Variants in UVRAG observed in about 807,000 individuals in gnomAD.
UVRAG encodes the protein UV radiation resistance-associated gene protein.
Under a neutral mutation model 78.0 loss-of-function variants are expected in UVRAG, and 19 were observed. The ratio of observed to expected loss-of-function variants is 0.24; its 90% CI spans 0.17 to 0.36. The LOEUF (loss-of-function observed/expected upper bound fraction) is 0.36. UVRAG is among the 10% of genes least tolerant of loss of function. The pLI, the probability that UVRAG is intolerant of heterozygous loss-of-function variation, is 1.00. For missense variants in UVRAG, 740 were observed against 853.8 expected, an observed-to-expected ratio of 0.87 and a Z score of 1.66; for synonymous variants, 323 against 324.6, an observed-to-expected ratio of 1.00 and a Z score of 0.05.
At chr11:76,020,944 C>T (rs1242276272) in intron 12 of UVRAG, among the ~76,000 whole-genome samples, 8 of 152,102 alleles carry the variant, frequency 5.3e-5, no homozygotes, top group Non-Finnish European at 1.0e-4. Context: ...AATGCTGCCT[C>T]CATGGATGGG....
chr11:75,933,522 A>C (rs992657564), intron 6 of UVRAG, among the ~76,000 whole-genome samples: 1 of 152,100 alleles, frequency 6.6e-6, no homozygotes, highest in African/African-American at 2.4e-5. Flanking sequence ...ACATCAAATT[A>C]AGAAGCTTCT....
At chr11:75,978,848 G>A (rs1416562041) in intron 7 of UVRAG, among the ~76,000 whole-genome samples, 1 of 152,122 alleles carries the variant, frequency 6.6e-6, no homozygotes, top group African/African-American at 2.4e-5. Context: ...TGTTATTACC[G>A]ATCTTCTGAA....
At chr11:75,845,300 T>TACAGTGC (rs1565342314) in intron 1 of UVRAG, among the ~76,000 whole-genome samples, 2 of 152,232 alleles carry the variant, frequency 1.3e-5, no homozygotes, top group East Asian at 3.8e-4. Context: ...CACCTGAAGC[T>TACAGTGC]ACCACTGTAG....
intron 2 of UVRAG, among the ~76,000 whole-genome samples, chr11:75,852,236 A>G (rs570600708): frequency 6.6e-6 from 1 of 152,338 alleles, no homozygotes; most frequent in East Asian, 1.9e-4. Flanking sequence ...TATGAATGTT[A>G]GCTATTAATG....
chr11:75,880,348 C>G (rs1292790383), intron 4 of UVRAG, among the ~76,000 whole-genome samples: 1 of 152,170 alleles, frequency 6.6e-6, no homozygotes, highest in African/African-American at 2.4e-5. Context: ...CTTTTTCTGT[C>G]TTACTGGATG....
intron 13 of UVRAG, among the ~76,000 whole-genome samples, chr11:76,066,923 A>G (rs1951199783): frequency 6.6e-6 from 1 of 152,204 alleles, no homozygotes; most frequent in African/African-American, 2.4e-5. Context: ...TACCAAAGTA[A>G]TAAGATTTAC....
At chr11:75,907,235 T>C (rs1001871056) in intron 5 of UVRAG, among the ~76,000 whole-genome samples, 3 of 152,204 alleles carry the variant, frequency 2.0e-5, no homozygotes, top group African/African-American at 7.2e-5. Flanking sequence ...GAACTTAGAG[T>C]ACAAATGTTG....
chr11:75,911,682 T>C (rs71467901), intron 5 of UVRAG: 9 of 271,790 alleles, frequency 3.3e-5, no homozygotes, highest in Non-Finnish European at 4.9e-5. Flanking sequence ...GGCACTGTGG[T>C]GGGAGGGAAG....
chr11:75,857,368 T>C (rs1201999962), intron 2 of UVRAG, among the ~76,000 whole-genome samples: 1 of 152,270 alleles, frequency 6.6e-6, no homozygotes, highest in Non-Finnish European at 1.5e-5. Context: ...TTGTAGCTGT[T>C]GCTTGAATGC....
At position 75,845,547 on chromosome 11, in the gene UVRAG, A is replaced by G. The variant is rs189996770; in HGVS notation, c.118-6336A>G. ...TTTGCAGCAACATGGTTGGAGCTGGATTCTATTATCCTAAGTGAATTAATG... is the reference window on the plus strand; with the variant it reads ...TTTGCAGCAACATGGTTGGAGCTGGGTTCTATTATCCTAAGTGAATTAATG... On this transcript the variant is annotated intron_variant, in intron 1 of 14. Transcript: ENST00000356136. Among the ~76,000 whole-genome samples, 7 of 152,340 alleles carry G rather than the reference A, an allele frequency of 4.6e-5. No homozygotes were observed. The East Asian group carries it at 1.3e-3, about 29-fold the overall frequency.
chr11:76,063,776 T>G (rs926318980), intron 12 of UVRAG, among the ~76,000 whole-genome samples: 1 of 152,224 alleles, frequency 6.6e-6, no homozygotes, highest in Non-Finnish European at 1.5e-5. Flanking sequence ...CACATTCTTA[T>G]CTAAAGCTTC....
chr11:76,081,653 A>AG (rs1951496146), intron 13 of UVRAG, among the ~76,000 whole-genome samples: 2 of 152,160 alleles, frequency 1.3e-5, no homozygotes, highest in African/African-American at 4.8e-5. Flanking sequence ...TTAAAAAAAA[A>AG]CAATAATAAA....
intron 14 of UVRAG, chr11:76,137,500 A>T: frequency 2.2e-6 from 1 of 455,562 alleles, no homozygotes; most frequent in Non-Finnish European, 4.4e-6. Context: ...ATCTCATAGA[A>T]CTAAAAATGG....
At chr11:75,912,912 A>G (rs1947770060) in intron 6 of UVRAG, among the ~76,000 whole-genome samples, 1 of 152,230 alleles carries the variant, frequency 6.6e-6, no homozygotes, top group Non-Finnish European at 1.5e-5. Flanking sequence ...GTGTCCATTA[A>G]TCTTAAGAAA....
chr11:75,854,098 T>A (rs990933578), intron 2 of UVRAG, among the ~76,000 whole-genome samples: 2 of 152,154 alleles, frequency 1.3e-5, no homozygotes, highest in Non-Finnish European at 2.9e-5. Flanking sequence ...TTGAAACAAT[T>A]GTATTCATCT....
At chr11:76,084,479 A>G (rs1951549424) in intron 13 of UVRAG, among the ~76,000 whole-genome samples, 1 of 152,214 alleles carries the variant, frequency 6.6e-6, no homozygotes, top group African/African-American at 2.4e-5. Context: ...TGCCTAGAAC[A>G]TAGCCATTAA....
chr11:76,091,551 C>T (rs920493768), intron 13 of UVRAG, among the ~76,000 whole-genome samples: 1 of 152,004 alleles, frequency 6.6e-6, no homozygotes, highest in African/African-American at 2.4e-5. Context: ...TACTTCTTCT[C>T]TCCTGTTTTC....
At chr11:75,991,635 C>A (rs1294515006) in intron 8 of UVRAG, among the ~76,000 whole-genome samples, 2 of 152,140 alleles carry the variant, frequency 1.3e-5, no homozygotes, top group East Asian at 3.9e-4. Context: ...TCTACTGATT[C>A]CAAAACTGTC....
intron 2 of UVRAG, among the ~76,000 whole-genome samples, chr11:75,855,455 G>A (rs1260908726): frequency 6.6e-6 from 1 of 152,220 alleles, no homozygotes; most frequent in Non-Finnish European, 1.5e-5. Flanking sequence ...AAAATGTCAT[G>A]GTTGAGTGAA....
Sources: gnomAD v4.1 joint callset for allele counts (sites outside exome capture counted in the v4.1 genomes callset) on GRCh38, gnomAD v4.1.1 for gene constraint, MANE v1.5 for transcripts, NCBI Gene and HGNC (gene_info 2026-07-23, HGNC 2026-07-21) for gene names.